Variants in TSNARE1 observed in about 807,000 individuals in gnomAD.
TSNARE1 encodes the protein t-SNARE domain containing 1, also known as t-SNARE domain-containing protein 1.
In TSNARE1, 49 loss-of-function variants were observed where a neutral mutation model predicts 62.0. That is an observed-to-expected ratio of 0.79 (90% CI 0.63 to 1.00). TSNARE1 has a LOEUF of 1.00. Among genes scored for constraint, TSNARE1 ranks in the 50% least tolerant of loss-of-function variants. The probability of loss-of-function intolerance (pLI) is 0.00; values close to 1 mark genes in which losing one functional copy is unlikely to be tolerated. For missense variants in TSNARE1, 755 were observed against 700.1 expected, an observed-to-expected ratio of 1.08 and a Z score of -0.88; for synonymous variants, 328 against 294.4, an observed-to-expected ratio of 1.11 and a Z score of -1.17.
At chr8:142,256,870 G>A (rs951465786) in intron 12 of TSNARE1, among the ~76,000 whole-genome samples, 2 of 152,206 alleles carry the variant, frequency 1.3e-5, no homozygotes, top group Non-Finnish European at 2.9e-5. Flanking sequence ...TTCTGAAGCA[G>A]GGGCTTTTCT....
intron 10 of TSNARE1, among the ~76,000 whole-genome samples, chr8:142,284,913 T>A (rs56863857): frequency 2.2e-4 from 34 of 152,146 alleles, no homozygotes; most frequent in Non-Finnish European, 2.6e-4. Context: ...AGGGCAGATA[T>A]ACCATCCCCA....
intron 3 of TSNARE1, 103 bp downstream of exon 3, chr8:142,345,640 C>G: frequency 2.2e-6 from 3 of 1,373,286 alleles, no homozygotes; most frequent in Non-Finnish European, 2.9e-6. Flanking sequence ...CTGGTCCCAG[C>G]CTCCTCCCTG....
At chr8:142,368,995 G>A (rs923154572) in intron 1 of TSNARE1, among the ~76,000 whole-genome samples, 1 of 152,170 alleles carries the variant, frequency 6.6e-6, no homozygotes, top group African/African-American at 2.4e-5. Flanking sequence ...TTTGACTGTC[G>A]CAGGGAGAGG....
At chr8:142,313,108 CTGTT>C (rs1373251500) in intron 9 of TSNARE1, among the ~76,000 whole-genome samples, 1 of 151,618 alleles carries the variant, frequency 6.6e-6, no homozygotes, top group African/African-American at 2.4e-5. Flanking sequence ...GTCTGCGTGA[CTGTT>C]TATCCGTGTG....
At chr8:142,276,734 T>G in intron 11 of TSNARE1, 2 of 985,340 alleles carry the variant, frequency 2.0e-6, no homozygotes, top group Non-Finnish European at 2.4e-6. Context: ...CTGATCGTAG[T>G]GTGTGACCTG....
chr8:142,301,985 G>A (rs546351960), intron 9 of TSNARE1, among the ~76,000 whole-genome samples: 3 of 152,294 alleles, frequency 2.0e-5, no homozygotes, highest in South Asian at 2.1e-4. Context: ...GGCTGACAAC[G>A]AACAGTGCCA....
At chr8:142,216,169 C>T (rs1173354150) in intron 13 of TSNARE1, among the ~76,000 whole-genome samples, 2 of 151,962 alleles carry the variant, frequency 1.3e-5, no homozygotes, top group African/African-American at 2.4e-5. Flanking sequence ...GGTCTCTTCA[C>T]CCCCAGGGCC....
chr8:142,220,873 C>A (rs374191689), intron 13 of TSNARE1, among the ~76,000 whole-genome samples: 1 of 152,208 alleles, frequency 6.6e-6, no homozygotes, highest in African/African-American at 2.4e-5. Context: ...AGCAGTTTCC[C>A]TGGCAGTACC....
intron 12 of TSNARE1, among the ~76,000 whole-genome samples, chr8:142,260,868 C>CA (rs1325108436): frequency 6.8e-6 from 1 of 147,252 alleles, no homozygotes; most frequent in Non-Finnish European, 1.5e-5. Flanking sequence ...GCAGCTGGGT[C>CA]AGGGAGGGAA....
chr8:142,227,265 G>A (rs1816862640), intron 13 of TSNARE1, among the ~76,000 whole-genome samples: 1 of 149,612 alleles, frequency 6.7e-6, no homozygotes, highest in African/African-American at 2.5e-5. Context: ...GTGACAGCCA[G>A]GACCTCCACT....
At chr8:142,306,173 A>G (rs1314216637) in intron 9 of TSNARE1, among the ~76,000 whole-genome samples, 1 of 152,222 alleles carries the variant, frequency 6.6e-6, no homozygotes, top group Non-Finnish European at 1.5e-5. Flanking sequence ...CCAGAACATC[A>G]GGACGGACAC....
chr8:142,225,385 C>T (rs1309141968), intron 13 of TSNARE1, among the ~76,000 whole-genome samples: 2 of 152,144 alleles, frequency 1.3e-5, no homozygotes, highest in African/African-American at 4.8e-5. Context: ...TGCTCCCTGC[C>T]CCTGGCTCAG....
chr8:142,270,293 C>T (rs555972522), intron 12 of TSNARE1: 10 of 985,266 alleles, frequency 1.0e-5, no homozygotes, highest in South Asian at 9.4e-5. Context: ...CCCAGGCCCC[C>T]GCAGGGAGGC....
intron 12 of TSNARE1, chr8:142,273,486 G>A (rs1819934467): frequency 1.0e-6 from 1 of 985,298 alleles, no homozygotes; most frequent in Non-Finnish European, 1.2e-6. Context: ...GCCCAGAGCT[G>A]GCGCCAGGAG....
intron 12 of TSNARE1, among the ~76,000 whole-genome samples, chr8:142,233,016 CCAGA>C (rs1466803061): frequency 1.3e-5 from 2 of 152,204 alleles, no homozygotes; most frequent in Non-Finnish European, 2.9e-5. Context: ...CAGCAGGCAC[CCAGA>C]CAGCCACCCT....
chr8:142,312,079 T>C (rs1209356451), intron 9 of TSNARE1, among the ~76,000 whole-genome samples: 1 of 152,250 alleles, frequency 6.6e-6, no homozygotes, highest in African/African-American at 2.4e-5. Context: ...TTTTCAGATT[T>C]TGGAATATCT....
At chr8:142,298,052 C>A (rs896402657) in intron 10 of TSNARE1, among the ~76,000 whole-genome samples, 2 of 152,212 alleles carry the variant, frequency 1.3e-5, no homozygotes, top group South Asian at 2.1e-4. Flanking sequence ...CCTGCTACCC[C>A]CCGTCCGCAC....
At chr8:142,276,415 G>T in intron 11 of TSNARE1, 1 of 985,494 alleles carries the variant, frequency 1.0e-6, no homozygotes, top group Non-Finnish European at 1.2e-6. Context: ...CAGGGAGGAG[G>T]CGCTAGCCTG....
upstream of TSNARE1, chr8:142,406,563 C>T (rs1001971883): frequency 6.6e-6 from 1 of 152,248 alleles, no homozygotes; most frequent in Non-Finnish European, 1.5e-5. Flanking sequence ...GGGCTTCCAA[C>T]CACATCTTAA....
Sources: allele counts gnomAD v4.1 joint callset (sites outside exome capture counted in the v4.1 genomes callset), GRCh38; gene constraint gnomAD v4.1.1; transcripts MANE v1.5; gene names NCBI Gene and HGNC (gene_info 2026-07-23, HGNC 2026-07-21).